Variants in PLPPR1 observed in about 807,000 individuals in gnomAD.
PLPPR1 encodes phospholipid phosphatase related 1.
PLPPR1 carries 10 observed loss-of-function variants against 33.1 expected under a neutral mutation model. The ratio of observed to expected loss-of-function variants is 0.30; its 90% CI spans 0.19 to 0.51. The LOEUF is 0.51. PLPPR1 is among the 20% of genes least tolerant of loss of function. The pLI, the probability that PLPPR1 is intolerant of heterozygous loss-of-function variation, is 0.97. For missense variants in PLPPR1, 304 were observed against 408.1 expected (o/e 0.74, Z 2.20); for synonymous variants, 151 against 151.0 (o/e 1.00, Z 0.00).
At chr9:101,297,218 T>C (rs1417462011) in intron 4 of PLPPR1, among the ~76,000 whole-genome samples, 1 of 151,268 alleles carries the variant, frequency 6.6e-6, no homozygotes, top group Non-Finnish European at 1.5e-5. Context: ...GAACTAAAGA[T>C]AATTTTTTTA....
chr9:101,102,322 A>G, intron 1 of PLPPR1, among the ~76,000 whole-genome samples: 1 of 100,076 alleles, frequency 1.0e-5, no homozygotes, highest in Admixed American at 1.0e-4. Context: ...CAGTCCCCAG[A>G]GTGTGATATT....
intron 1 of PLPPR1, among the ~76,000 whole-genome samples, chr9:101,118,888 G>GTTA (rs148781147): frequency 6.7e-6 from 1 of 150,202 alleles, no homozygotes; most frequent in Non-Finnish European, 1.5e-5. Flanking sequence ...TTGATGCCAT[G>GTTA]TTTTTTTTTG....
intron 1 of PLPPR1, among the ~76,000 whole-genome samples, chr9:101,099,111 G>T (rs1830860722): frequency 6.6e-6 from 1 of 151,570 alleles, no homozygotes; most frequent in African/African-American, 2.4e-5. Context: ...GTGTCGGGGG[G>T]AGGCGGGGGA....
chr9:101,155,135 C>G (rs959175723), intron 1 of PLPPR1, among the ~76,000 whole-genome samples: 45 of 151,910 alleles, frequency 3.0e-4, no homozygotes, highest in Non-Finnish European at 3.2e-4. Flanking sequence ...ATGAGATTGT[C>G]TAACTGTCAG....
chr9:101,187,908 G>A (rs1826231367), intron 2 of PLPPR1: 1 of 151,924 alleles, frequency 6.6e-6, no homozygotes, highest in African/African-American at 2.4e-5. Context: ...GTCATTATAT[G>A]TATGAAGTTT....
chr9:101,052,243 A>G (rs1421419800), intron 1 of PLPPR1, among the ~76,000 whole-genome samples: 1 of 152,232 alleles, frequency 6.6e-6, no homozygotes, highest in African/African-American at 2.4e-5. Flanking sequence ...ATATCTGAAC[A>G]TAGCTTTAAG....
At chr9:101,281,078 A>G (rs1223066277) in intron 3 of PLPPR1, among the ~76,000 whole-genome samples, 1 of 142,666 alleles carries the variant, frequency 7.0e-6, no homozygotes, top group Non-Finnish European at 1.5e-5. Flanking sequence ...ATAAAATTTC[A>G]GGATACAAAA....
intron 1 of PLPPR1, among the ~76,000 whole-genome samples, chr9:101,152,548 T>TTGAA (rs1232644479): frequency 6.6e-6 from 1 of 152,236 alleles, no homozygotes; most frequent in Admixed American, 6.5e-5. Context: ...AATTTAAGTC[T>TTGAA]TTAATTCATC....
At chr9:101,167,224 C>CAA (rs112778330) in intron 1 of PLPPR1, among the ~76,000 whole-genome samples, 75,739 of 107,464 alleles carry the variant, frequency 0.7, 27,721 homozygotes, top group Non-Finnish European at 0.73. Flanking sequence ...TACACACACA[C>CAA]ACACACACAC....
chr9:101,055,241 A>G (rs1332499789), intron 1 of PLPPR1, among the ~76,000 whole-genome samples: 4 of 152,240 alleles, frequency 2.6e-5, no homozygotes, highest in Non-Finnish European at 5.9e-5. Context: ...GCTAACAGTG[A>G]AAAAGATCTA....
chr9:101,043,287 G>C (rs1226404634), intron 1 of PLPPR1, among the ~76,000 whole-genome samples: 1 of 151,400 alleles, frequency 6.6e-6, no homozygotes, highest in Non-Finnish European at 1.5e-5. Flanking sequence ...ATATGTGTGT[G>C]TGTGTATATA....
chr9:101,053,562 T>C (rs763847572), intron 1 of PLPPR1, among the ~76,000 whole-genome samples: 13 of 152,332 alleles, frequency 8.5e-5, no homozygotes, highest in Non-Finnish European at 1.5e-4. Context: ...CCTAACAGGG[T>C]ATTCATGTCC....
chr9:101,124,888 G>C (rs1242625288), intron 1 of PLPPR1, among the ~76,000 whole-genome samples: 2 of 152,208 alleles, frequency 1.3e-5, no homozygotes, highest in Non-Finnish European at 2.9e-5. Flanking sequence ...GAATGCTTGT[G>C]CCAGCAAAGA....
rs1828065982 is a variant in PLPPR1, at chr9:101,270,038, T to C, written c.222T>C (p.Tyr74=). The C allele has an allele frequency of 1.9e-6, 3 of 1,614,190 alleles. No homozygotes were observed. Among genetic ancestry groups the C allele is most frequent in the Non-Finnish European group, 2.5e-6 (3 of 1,180,026 alleles). The change falls in exon 3 of 8, where the codon TAT becomes TAC. Residue 74 remains tyrosine (Y), a synonymous_variant. Transcript: ENST00000374874. ...GCTTCATCACCCCTCTGGTGCTCTATTGTGTGCTGGCTGCCACCCCAACTG... is the reference window on the plus strand; with the variant it reads ...GCTTCATCACCCCTCTGGTGCTCTACTGTGTGCTGGCTGCCACCCCAACTG... The part of the protein sequence containing the change: ...EESFITPLVL[Y]CVLAATPTAI...
intron 1 of PLPPR1, among the ~76,000 whole-genome samples, chr9:101,096,679 A>G (rs1430260719): frequency 1.3e-5 from 2 of 152,190 alleles, no homozygotes; most frequent in African/African-American, 4.8e-5. Context: ...AGGATTTGCA[A>G]TATCTCAGGA....
chr9:101,199,881 G>A (rs771007274), intron 2 of PLPPR1, among the ~76,000 whole-genome samples: 1 of 152,116 alleles, frequency 6.6e-6, no homozygotes, highest in Non-Finnish European at 1.5e-5. Context: ...ATCAGAATGG[G>A]ACGAAACTAG....
intron 1 of PLPPR1, among the ~76,000 whole-genome samples, chr9:101,070,869 A>G (rs1318695115): frequency 6.6e-6 from 1 of 152,168 alleles, no homozygotes; most frequent in Non-Finnish European, 1.5e-5. Flanking sequence ...TAACAACAGT[A>G]TCTGACACTT....
intron 1 of PLPPR1, among the ~76,000 whole-genome samples, chr9:101,029,714 C>A (rs1829917940): frequency 6.6e-6 from 1 of 152,128 alleles, no homozygotes; most frequent in Non-Finnish European, 1.5e-5. Flanking sequence ...CGGGGTGAGG[C>A]TCGGGTCAGT....
At chr9:101,045,648 C>G (rs1324008662) in intron 1 of PLPPR1, among the ~76,000 whole-genome samples, 4 of 152,326 alleles carry the variant, frequency 2.6e-5, no homozygotes, top group African/African-American at 9.6e-5. Flanking sequence ...GTGATGACAA[C>G]ACCTGATGTT....
Sources: allele counts gnomAD v4.1 joint callset (sites outside exome capture counted in the v4.1 genomes callset), GRCh38; gene constraint gnomAD v4.1.1; transcripts MANE v1.5; gene names NCBI Gene and HGNC (gene_info 2026-07-23, HGNC 2026-07-21).